Variants in LYST observed in about 807,000 individuals in gnomAD.
LYST encodes lysosomal-trafficking regulator.
A neutral mutation model predicts 413.6 loss-of-function variants in LYST; 192 were observed. The observed-to-expected ratio is 0.46, with a 90% CI of 0.41 to 0.52. The LOEUF (loss-of-function observed/expected upper bound fraction) is 0.52, where lower values mean the gene tolerates loss of function less well. Ranked by LOEUF, LYST falls within the 20% of genes least tolerant of loss-of-function variation. LYST has a pLI of 0.00. For synonymous variants in LYST, 1,525 were observed against 1,567.3 expected, an observed-to-expected ratio of 0.97 and a Z score of 0.64; for missense variants, 3,815 against 4,499.9, an observed-to-expected ratio of 0.85 and a Z score of 4.35.
At chr1:235,770,139 G>A in intron 20 of LYST, 21 bp downstream of exon 20, 1 of 1,611,598 alleles carries the variant, frequency 6.2e-7, no homozygotes, top group Non-Finnish European at 8.5e-7. Context: ...ATTTCCAAAA[G>A]TAAAGTTACA....
At chr1:235,876,091 C>T (rs1475076592) in intron 1 of LYST, among the ~76,000 whole-genome samples, 1 of 151,950 alleles carries the variant, frequency 6.6e-6, no homozygotes, top group East Asian at 1.9e-4. Flanking sequence ...GGCATGGTGG[C>T]AGCTCCTATA....
chr1:235,729,782 G>T (rs751579972), intron 36 of LYST, 125 bp from the exon 37 acceptor site: 55 of 698,776 alleles, frequency 7.9e-5, no homozygotes, highest in Non-Finnish European at 3.1e-5. Context: ...ATAGCATGAG[G>T]TATCTTGTCG....
rs1408722541 is a variant in LYST at position 235,741,331 on chromosome 1, T to C, written c.8358+91A>G. ...GAAAATTATATTTATAAATTAGGCA[T>C]GAACATTCAGTTTAATTTCAGTTCT... On this transcript the variant is annotated intron_variant, in intron 31 of 52. Coordinates refer to ENST00000389793, the MANE Select transcript of LYST (RefSeq NM_000081.4). The C allele has an allele frequency of 2.7e-6, 3 of 1,111,402 alleles. No individual in the cohort carries two copies. In the Admixed American group the frequency reaches 5.1e-5, roughly 19 times the overall value. The allele number at this position is 1,111,402 out of a possible 1,614,324, so 68.8% of individuals were successfully genotyped here.
chr1:235,857,786 T>TATATATAC (rs1319384503), intron 1 of LYST, among the ~76,000 whole-genome samples: 2 of 128,820 alleles, frequency 1.6e-5, no homozygotes, highest in African/African-American at 7.2e-5. Flanking sequence ...CACACACACA[T>TATATATAC]ATATATATAA....
intron 28 of LYST, among the ~76,000 whole-genome samples, chr1:235,748,034 C>A (rs901889729): frequency 2.2e-4 from 34 of 151,890 alleles, no homozygotes; most frequent in African/African-American, 7.7e-4. Context: ...TGTTTGAGGG[C>A]TGAATAAACG....
Position 235,685,448 on chromosome 1 carries a change from G to A in LYST, c.10800+1501C>T, listed in dbSNP as rs374240863. ...AACTCCTGTTTATACCATTTTAATG[G>A]CTCCTTAGACTAAGAGACAGAAACA... On this transcript the variant is annotated intron_variant, in intron 48 of 52. Transcript: ENST00000389793. Among the ~76,000 whole-genome samples the A allele has an allele frequency of 5.9e-5, 9 of 152,122 alleles. No homozygotes were observed. The South Asian group carries it at 6.2e-4, about 11-fold the overall frequency.
intron 42 of LYST, among the ~76,000 whole-genome samples, chr1:235,714,496 T>G (rs948851464): frequency 1.3e-5 from 2 of 152,178 alleles, no homozygotes; most frequent in African/African-American, 4.8e-5. Flanking sequence ...AGGTTGTACA[T>G]GAGTAAAAAG....
chr1:235,716,693 G>C lies in LYST; in HGVS notation c.9627+19C>G. On this transcript the variant is annotated intron_variant, in intron 41 of 52. Transcript: ENST00000389793. ...CACAATTTTTCATTTAATAAAGTACGAGTAAAAACAAAAGCTACCTTGTAT... is the reference window on the plus strand; with the variant it reads ...CACAATTTTTCATTTAATAAAGTACCAGTAAAAACAAAAGCTACCTTGTAT... 1 of 1,488,724 alleles carries C rather than the reference G, an allele frequency of 6.7e-7. No individual in the cohort carries two copies. The highest frequency in any genetic ancestry group is 1.7e-5 in the Admixed American group (1 of 59,102). 92.2% of individuals were successfully genotyped at this position (1,488,724 alleles called of 1,614,324 possible).
chr1:235,773,283 A>C (rs999425845), intron 19 of LYST, among the ~76,000 whole-genome samples: 2 of 151,902 alleles, frequency 1.3e-5, no homozygotes, highest in Non-Finnish European at 2.9e-5. Context: ...ACGCCACTGC[A>C]CTCCAGCCTG....
rs762006661 is a variant in LYST, at chr1:235,746,536, G to A, written c.7781-9C>T. 1.2e-6 allele frequency: 2 copies of A among 1,600,228 alleles called. No homozygotes were observed. The highest frequency in any genetic ancestry group is 4.5e-5 in the East Asian group (2 of 44,668). ...GGGAAATTTTCGAGGACCTTTAAAA[G>A]TATATAAATTAAAACATCAAATCCC... On this transcript the variant is annotated splice_polypyrimidine_tract_variant and intron_variant, in intron 28 of 52. Transcript: ENST00000389793.
At position 235,806,681 on chromosome 1, in the gene LYST, CT is replaced by C. The variant is rs80338648; in HGVS notation, c.2454del (p.Ala819HisfsTer5). ...AGGCTGATTATCAGAGTTTCAAATG[CT>C]TTTAGAGAATGACTTCGAATACCAT... Reference protein sequence around the residue: ...CLNGIRSHSLKAFETLIISLG... With the variant: ...CLNGIRSHSLXAFETLIISLG... On this transcript the variant is annotated frameshift_variant, in exon 6 of 53. Transcript: ENST00000389793. LOFTEE classifies it high-confidence loss of function. 6.2e-7 allele frequency: 1 copy of C among 1,613,574 alleles called. No homozygotes were observed.
intron 1 of LYST, among the ~76,000 whole-genome samples, chr1:235,838,477 C>T (rs938519427): frequency 6.6e-6 from 1 of 152,172 alleles, no homozygotes; most frequent in African/African-American, 2.4e-5. Context: ...TCTTAGAAAG[C>T]CTACATAGCC....
At chr1:235,742,292 T>C (rs998319479) in intron 30 of LYST, among the ~76,000 whole-genome samples, 7 of 151,936 alleles carry the variant, frequency 4.6e-5, no homozygotes, top group Admixed American at 3.9e-4. Flanking sequence ...CTGTCTCTAC[T>C]AAAAATACGA....
intron 3 of LYST, chr1:235,827,506 T>C (rs1053961457): frequency 4.1e-6 from 4 of 980,228 alleles, no homozygotes; most frequent in Non-Finnish European, 4.8e-6. Flanking sequence ...TCCTAAAACA[T>C]ACAACTATGT....
chr1:235,778,731 G>A (rs60923173), intron 16 of LYST, among the ~76,000 whole-genome samples: 4,195 of 151,784 alleles, frequency 0.028, 166 homozygotes, highest in African/African-American at 0.094. Flanking sequence ...ACCACCCAGC[G>A]TATCTGTGCA....
At chr1:235,787,080 T>C in intron 14 of LYST, 120 bp downstream of exon 14, 2 of 734,560 alleles carry the variant, frequency 2.7e-6, no homozygotes, top group Non-Finnish European at 4.5e-6. Flanking sequence ...AAAAATATAG[T>C]AAATTTTATT....
At chr1:235,791,332 G>A (rs1401956736) in intron 12 of LYST, among the ~76,000 whole-genome samples, 1 of 151,852 alleles carries the variant, frequency 6.6e-6, no homozygotes, top group Non-Finnish European at 1.5e-5. Flanking sequence ...AATAGGGGCT[G>A]GGAAACAACA....
At chr1:235,678,819 TA>T (rs912670010) in intron 48 of LYST, among the ~76,000 whole-genome samples, 4 of 152,198 alleles carry the variant, frequency 2.6e-5, no homozygotes, top group African/African-American at 9.6e-5. Context: ...ACTATAGCCA[TA>T]AACAACATAC....
chr1:235,830,229 A>G lies in LYST; in HGVS notation c.189T>C (p.Asp63=). The G allele has an allele frequency of 4.4e-6, 7 of 1,607,488 alleles. No homozygotes were observed. Among genetic ancestry groups the G allele is most frequent in the African/African-American group, 1.3e-5 (1 of 74,808 alleles). ...GTATTTGATATAAAAATGTTACCTGATCAATTATAGAATTTAGCTTGGTAA... is the reference window on the plus strand; with the variant it reads ...GTATTTGATATAAAAATGTTACCTGGTCAATTATAGAATTTAGCTTGGTAA... ...LLLTKLNSII[D]QALTCREELL... The change falls in exon 3 of 53, where the codon GAT becomes GAC. Residue 63 remains aspartate (D), a synonymous_variant. Transcript: ENST00000389793.
Sources: gnomAD v4.1 joint callset for allele counts (sites outside exome capture counted in the v4.1 genomes callset) on GRCh38, gnomAD v4.1.1 for gene constraint, MANE v1.5 for transcripts, NCBI Gene and HGNC (gene_info 2026-07-23, HGNC 2026-07-21) for gene names.